Variants in ERMP1 observed in about 807,000 individuals in gnomAD.
ERMP1 encodes Felix-ina.
Under a neutral mutation model 92.0 loss-of-function variants are expected in ERMP1, and 86 were observed. That is an observed-to-expected ratio of 0.93 (90% CI 0.79 to 1.12). The LOEUF is 1.12. ERMP1 is among the 50% of genes most tolerant of loss of function. The pLI, the probability that ERMP1 is intolerant of heterozygous loss-of-function variation, is 0.00. For synonymous variants in ERMP1, 530 were observed against 412.8 expected, an observed-to-expected ratio of 1.28 and a Z score of -3.44; for missense variants, 1,342 against 1,116.3, an observed-to-expected ratio of 1.20 and a Z score of -2.88.
At chr9:5,831,108 C>A (rs537592987) in intron 1 of ERMP1, 80 bp from the exon 2 acceptor site, 2 of 1,094,504 alleles carry the variant, frequency 1.8e-6, no homozygotes, top group Non-Finnish European at 2.7e-6. Flanking sequence ...CTACACACCC[C>A]TTCCTCCCCA....
At chr9:5,857,178 T>A (rs1325907933) in intron 6 of ERMP1, among the ~76,000 whole-genome samples, 3 of 152,132 alleles carry the variant, frequency 2.0e-5, no homozygotes, top group Non-Finnish European at 4.4e-5. Flanking sequence ...TGTGCAATCA[T>A]GCCTGGCTAA....
rs368185505 is a variant in ERMP1, at chr9:5,810,013, T to A, written c.1546A>T (p.Met516Leu). 24 of 1,581,490 alleles carry A rather than the reference T, an allele frequency of 1.5e-5. No individual in the cohort carries two copies. The highest frequency in any genetic ancestry group is 2.1e-5 in the Non-Finnish European group (24 of 1,151,386). The stretch of plus-strand genomic sequence containing the variant: ...CAACAAATATACCAAACACTTACCA[T>A]GTAATAAAATCTTTTCGCAAGAGTA... ...IHTLAKRFYYMNASAQYLGEV... is the reference protein window; with the variant it reads ...IHTLAKRFYYLNASAQYLGEV... Residue 516 changes from methionine to leucine, a missense_variant and splice_region_variant, in exon 8 of 15, where the codon ATG (methionine) becomes TTG (leucine). Physicochemically the swap from Met to Leu is conservative, Grantham distance 15. Coordinates refer to ENST00000339450, the MANE Select transcript of ERMP1 (RefSeq NM_024896.3).
In ERMP1 at chr9:5,830,790, T is replaced by C. The variant is rs768606567; in HGVS notation, c.577A>G (p.Arg193Gly). 5.6e-6 allele frequency: 9 copies of C among 1,614,194 alleles called. No individual in the cohort carries two copies. Among genetic ancestry groups the C allele is most frequent in the Non-Finnish European group, 7.6e-6 (9 of 1,180,028 alleles). ...AAGACAGCATGCTGGGCTCCATCTC[T>C]GGGTTCCAGCTTTACCACAACATTG... Reference protein sequence around the residue: ...ITNVVVKLEPRDGAQHAVLAN... With the variant: ...ITNVVVKLEPGDGAQHAVLAN... Residue 193 changes from arginine (R) to glycine (G), a missense_variant, in exon 2 of 15, where the codon AGA (arginine) becomes GGA (glycine). Coordinates refer to ENST00000339450, the MANE Select transcript of ERMP1 (RefSeq NM_024896.3).
intron 13 of ERMP1, among the ~76,000 whole-genome samples, chr9:5,793,116 T>C (rs1374018376): frequency 6.6e-6 from 1 of 152,088 alleles, no homozygotes; most frequent in East Asian, 1.9e-4. Context: ...GAGAGATAAA[T>C]GCTAGCAATG....
At chr9:5,800,677 A>G (rs1337582110) in intron 11 of ERMP1, among the ~76,000 whole-genome samples, 3 of 152,202 alleles carry the variant, frequency 2.0e-5, no homozygotes, top group African/African-American at 7.2e-5. Context: ...CTCCATTTTA[A>G]AAAAAGAGAA....
chr9:5,815,661 T>G (rs530877150), intron 4 of ERMP1, among the ~76,000 whole-genome samples: 3 of 152,184 alleles, frequency 2.0e-5, no homozygotes, highest in African/African-American at 7.2e-5. Context: ...AAAACTAGGA[T>G]CAAAGTTTTA....
chr9:5,830,596 T>C, intron 2 of ERMP1, 131 bp downstream of exon 2: 1 of 640,324 alleles, frequency 1.6e-6, no homozygotes, highest in Non-Finnish European at 2.7e-6. Context: ...CTAATTATCC[T>C]GCTTTCCATC....
chr9:5,836,718 C>G (rs555519961), upstream of ERMP1, among the ~76,000 whole-genome samples: 1 of 152,178 alleles, frequency 6.6e-6, no homozygotes, highest in African/African-American at 2.4e-5. Flanking sequence ...AACTCTGAAG[C>G]TCTGAAATGG....
chr9:5,836,914 TG>T (rs1395095718), upstream of ERMP1, among the ~76,000 whole-genome samples: 1 of 152,132 alleles, frequency 6.6e-6, no homozygotes, highest in East Asian at 1.9e-4. Flanking sequence ...AGAGGGTAAT[TG>T]CACTCTACTT....
chr9:5,866,901 G>A (rs897141624), intron 5 of ERMP1, among the ~76,000 whole-genome samples: 9 of 152,100 alleles, frequency 5.9e-5, no homozygotes, highest in Non-Finnish European at 1.0e-4. Context: ...AAATGGGACT[G>A]GTAATAAGAA....
chr9:5,815,748 A>G (rs546969902), intron 4 of ERMP1, among the ~76,000 whole-genome samples: 2 of 152,232 alleles, frequency 1.3e-5, no homozygotes, highest in South Asian at 2.1e-4. Flanking sequence ...GAAATAGTAG[A>G]AAAACCTGGC....
In ERMP1 at chr9:5,830,613, A is replaced by G. The variant is rs1290590907; in HGVS notation, c.640+114T>C. ...AATTATCCTGCTTTCCATCACAAAGAAAAAAGGTTTGCCCAAGAAAATGGT... is the reference window on the plus strand; with the variant it reads ...AATTATCCTGCTTTCCATCACAAAGGAAAAAGGTTTGCCCAAGAAAATGGT... On this transcript the variant is annotated intron_variant, in intron 2 of 14. Transcript: ENST00000339450. 1.8e-5 allele frequency: 13 copies of G among 713,872 alleles called. No homozygotes were observed. In the African/African-American group the frequency reaches 2.3e-4, roughly 13 times the overall value. 44.2% of individuals were successfully genotyped at this position (713,872 alleles called of 1,614,324 possible).
In ERMP1 at chr9:5,795,899, G is replaced by A. The variant is rs547745599; in HGVS notation, c.2386+1918C>T. On this transcript the variant is annotated intron_variant, in intron 13 of 14. Transcript: ENST00000339450. Reference sequence around the variant, plus strand: ...ATTATAGCAAGGCTGCAGGATATGAGGGTAATAATCTGAAACTCAGTTGCT... The same window carrying A: ...ATTATAGCAAGGCTGCAGGATATGAAGGTAATAATCTGAAACTCAGTTGCT... Among the ~76,000 whole-genome samples the A allele has an allele frequency of 4.6e-5, 7 of 152,248 alleles. No homozygotes were observed. In the East Asian group the frequency reaches 9.6e-4, roughly 21 times the overall value.
Position 5,801,317 on chromosome 9 carries a change from G to T in ERMP1, c.1926C>A (p.Ile642=). Residue 642 remains isoleucine, a synonymous_variant, in exon 11 of 15, where the codon ATC becomes ATA. Coordinates refer to ENST00000339450, the MANE Select transcript of ERMP1 (RefSeq NM_024896.3). ...MILSSYFINF[I]YLAKSTKKTM... is the part of the protein sequence containing the mutation. ...TTTTTTTTGTGCTCTTGGCAAGGTA[G>T]ATGAAGTTAATCTGAAACACAAACC... 1 of 1,610,672 alleles carries T rather than the reference G, an allele frequency of 6.2e-7. No homozygotes were observed. Among genetic ancestry groups the T allele is most frequent in the Non-Finnish European group, 8.5e-7 (1 of 1,178,754 alleles).
chr9:5,833,148 ACTT>A (rs890807999), upstream of ERMP1: 210 of 907,872 alleles, frequency 2.3e-4, no homozygotes, highest in African/African-American at 7.5e-4. Flanking sequence ...AGAGGGCCAA[ACTT>A]CTTCTGATTG....
At chr9:5,825,032 A>C in intron 3 of ERMP1, 60 bp downstream of exon 3, 1 of 1,502,364 alleles carries the variant, frequency 6.7e-7, no homozygotes, top group Non-Finnish European at 9.2e-7. Context: ...AATAATATTT[A>C]GCTATTATTA....
In ERMP1 at chr9:5,812,912, T is replaced by C. The variant is rs747721438; in HGVS notation, c.998A>G (p.Tyr333Cys). The C allele has an allele frequency of 6.2e-7, 1 of 1,614,016 alleles. No homozygotes were observed. The highest frequency in any genetic ancestry group is 1.1e-5 in the South Asian group (1 of 91,086). The part of the protein sequence containing the change: ...IIPSDTDFRI[Y>C]RDFGNIPGID... ...ACCTGGAATGTTCCCAAAATCCCTG[T>C]AGATACGAAAGTCAGTATCTGAAGG... The change falls in exon 5 of 15, where the codon TAC becomes TGC. Residue 333 changes from tyrosine to cysteine, a missense_variant. By Grantham distance (194) the Tyr-to-Cys change is radical (BLOSUM62 -2). Coordinates refer to ENST00000339450, the MANE Select transcript of ERMP1 (RefSeq NM_024896.3).
At chr9:5,833,230 C>G (rs1233987348), upstream of ERMP1, 1 of 498,336 alleles carries the variant, frequency 2.0e-6, no homozygotes, top group Non-Finnish European at 3.4e-6. Flanking sequence ...CAGGGCCGAC[C>G]CAGCAGCGGG....
At chr9:5,811,367 T>C (rs754568242) in intron 6 of ERMP1, 44 bp from the exon 7 acceptor site, 19 of 1,452,220 alleles carry the variant, frequency 1.3e-5, no homozygotes, top group Admixed American at 5.9e-5. Flanking sequence ...AGGAAAAAGA[T>C]AAAAAGGCTG....
Sources: allele counts gnomAD v4.1 joint callset (sites outside exome capture counted in the v4.1 genomes callset), GRCh38; gene constraint gnomAD v4.1.1; transcripts MANE v1.5; gene names NCBI Gene and HGNC (gene_info 2026-07-23, HGNC 2026-07-21).